Variants in UTRN observed in about 807,000 individuals in gnomAD.
The protein encoded by UTRN is utrophin, also known as dystrophin-related protein 1.
Under a neutral mutation model 463.9 loss-of-function variants are expected in UTRN, and 283 were observed. The observed-to-expected ratio is 0.61, with a 90% CI of 0.55 to 0.67. UTRN has a LOEUF of 0.67. UTRN is among the 30% of genes least tolerant of loss of function. UTRN has a pLI of 0.00. For missense variants in UTRN, 3,922 were observed against 4,084.3 expected, an observed-to-expected ratio of 0.96 and a Z score of 1.08; for synonymous variants, 1,442 against 1,431.5, an observed-to-expected ratio of 1.01 and a Z score of -0.17.
intron 65 of UTRN, among the ~76,000 whole-genome samples, chr6:144,804,064 A>G (rs1777934650): frequency 6.6e-6 from 1 of 152,116 alleles, no homozygotes; most frequent in African/African-American, 2.4e-5. Context: ...ATTAATAGCT[A>G]TTCTTTTACT....
chr6:144,583,190 G>A, intron 51 of UTRN: 2 of 297,828 alleles, frequency 6.7e-6, no homozygotes, highest in Admixed American at 5.1e-5. Flanking sequence ...TCCCGCAGCC[G>A]GCAGCGCTTG....
At chr6:144,699,908 G>A (rs185392419) in intron 52 of UTRN, among the ~76,000 whole-genome samples, 179 bp from the exon 53 acceptor site, 4 of 148,084 alleles carry the variant, frequency 2.7e-5, no homozygotes, top group East Asian at 2.0e-4. Flanking sequence ...ACATATATAT[G>A]TATATATAGT....
chr6:144,798,651 A>G (rs542003034), intron 64 of UTRN, among the ~76,000 whole-genome samples: 1 of 152,112 alleles, frequency 6.6e-6, no homozygotes, highest in South Asian at 2.1e-4. Context: ...TACTGGGGGG[A>G]ATCTGGAAAA....
chr6:144,654,685 A>G (rs1779149377), intron 51 of UTRN, among the ~76,000 whole-genome samples: 1 of 152,232 alleles, frequency 6.6e-6, no homozygotes, highest in African/African-American at 2.4e-5. Context: ...GACATCTGGA[A>G]TTTGAGGCTT....
chr6:144,379,266 C>T (rs533353670), intron 2 of UTRN, among the ~76,000 whole-genome samples: 1 of 152,292 alleles, frequency 6.6e-6, no homozygotes. Flanking sequence ...TATTTATTAT[C>T]TCATGCAGTT....
Position 144,451,403 on chromosome 6 carries a change from G to C in UTRN, c.2106G>C (p.Trp702Cys). Residue 702 changes from tryptophan (W) to cysteine (C), a missense_variant, in exon 18 of 75, where the codon TGG becomes TGC. Trp to Cys is a radical substitution (Grantham distance 215, BLOSUM62 -2). Coordinates refer to ENST00000367545, the MANE Select transcript of UTRN (RefSeq NM_007124.3). ...CTATAAGTGCAGAGCTGTTGAACTG[G>C]ATTTTGAAATGGAAAACTGCCATTC... ...FDAISAELLN[W>C]ILKWKTAIQT... 1 of 1,613,386 alleles carries C rather than the reference G, an allele frequency of 6.2e-7. No homozygotes were observed. Among genetic ancestry groups the C allele is most frequent in the African/African-American group, 1.3e-5 (1 of 74,984 alleles).
At chr6:144,436,839 T>C (rs1786598130) in intron 10 of UTRN, among the ~76,000 whole-genome samples, 1 of 144,762 alleles carries the variant, frequency 6.9e-6, no homozygotes, top group African/African-American at 2.5e-5. Flanking sequence ...TTTTATTTTA[T>C]ATATAAATAA....
intron 2 of UTRN, among the ~76,000 whole-genome samples, chr6:144,303,696 T>C (rs1805489295): frequency 6.6e-6 from 1 of 152,214 alleles, no homozygotes; most frequent in South Asian, 2.1e-4. Flanking sequence ...AGATGGTTTA[T>C]TCATGTCTAT....
chr6:144,588,062 G>T (rs1204223750), intron 51 of UTRN, among the ~76,000 whole-genome samples: 2 of 152,112 alleles, frequency 1.3e-5, no homozygotes, highest in Non-Finnish European at 2.9e-5. Flanking sequence ...GAGCTGTATG[G>T]ATACCCACAC....
intron 53 of UTRN, among the ~76,000 whole-genome samples, chr6:144,715,924 G>T (rs1315972040): frequency 6.6e-6 from 1 of 151,770 alleles, no homozygotes; most frequent in Non-Finnish European, 1.5e-5. Flanking sequence ...GCGTTCTAAA[G>T]AATATTACAT....
chr6:144,631,644 A>C (rs1439611180), intron 51 of UTRN, among the ~76,000 whole-genome samples: 2 of 152,192 alleles, frequency 1.3e-5, no homozygotes. Context: ...TCATCATTTC[A>C]AAAGAGCGTA....
At chr6:144,306,728 G>A (rs762645601) in intron 2 of UTRN, among the ~76,000 whole-genome samples, 12 of 151,910 alleles carry the variant, frequency 7.9e-5, no homozygotes, top group Non-Finnish European at 1.8e-4. Context: ...GTACTTTCCT[G>A]AGTCATTTTT....
chr6:144,486,567 G>C (rs1344154701), intron 28 of UTRN, among the ~76,000 whole-genome samples: 1 of 152,024 alleles, frequency 6.6e-6, no homozygotes, highest in African/African-American at 2.4e-5. Flanking sequence ...TGTTGCCCAG[G>C]CTGGAGTGCA....
chr6:144,808,026 A>G (rs1010432295), intron 65 of UTRN, among the ~76,000 whole-genome samples: 1 of 152,148 alleles, frequency 6.6e-6, no homozygotes, highest in Non-Finnish European at 1.5e-5. Context: ...AATGGTATGG[A>G]TTTAGTGACT....
intron 2 of UTRN, among the ~76,000 whole-genome samples, chr6:144,402,265 T>A (rs1782997270): frequency 6.6e-6 from 1 of 152,240 alleles, no homozygotes; most frequent in South Asian, 2.1e-4. Flanking sequence ...TAGGTATTAT[T>A]TATCCCCATT....
intron 52 of UTRN, among the ~76,000 whole-genome samples, chr6:144,688,820 C>T (rs1333247204): frequency 6.6e-6 from 1 of 152,170 alleles, no homozygotes; most frequent in Non-Finnish European, 1.5e-5. Context: ...TCCAGTATTT[C>T]ATTTACTAGG....
chr6:144,631,214 A>AGTGTGTGTGTGTGAGAGAGAGAGGT (rs1776472852), intron 51 of UTRN, among the ~76,000 whole-genome samples: 2 of 142,396 alleles, frequency 1.4e-5, no homozygotes, highest in Non-Finnish European at 3.1e-5. Flanking sequence ...AGAGAGAGTG[A>AGTGTGTGTGTGTGAGAGAGAGAGGT]GTGTGTGTGT....
intron 2 of UTRN, among the ~76,000 whole-genome samples, chr6:144,343,085 G>A (rs965516595): frequency 2.0e-4 from 30 of 152,090 alleles, no homozygotes; most frequent in Middle Eastern, 3.2e-3. Flanking sequence ...TCTCTTTTCT[G>A]TATCATAGTA....
At chr6:144,735,442 C>A (rs1039421189) in intron 54 of UTRN, among the ~76,000 whole-genome samples, 1 of 152,092 alleles carries the variant, frequency 6.6e-6, no homozygotes, top group African/African-American at 2.4e-5. Flanking sequence ...TGTGCCTGGA[C>A]GGCAGATGGG....
Sources: gnomAD v4.1 joint callset for allele counts (sites outside exome capture counted in the v4.1 genomes callset) on GRCh38, gnomAD v4.1.1 for gene constraint, MANE v1.5 for transcripts, NCBI Gene and HGNC (gene_info 2026-07-23, HGNC 2026-07-21) for gene names.